KCNH7: variants seen among roughly 807,000 people sequenced by gnomAD.
KCNH7 encodes potassium voltage-gated channel subfamily H member 7.
A neutral mutation model predicts 120.8 loss-of-function variants in KCNH7; 49 were observed. The ratio of observed to expected loss-of-function variants is 0.41; its 90% CI spans 0.32 to 0.51. KCNH7 has a LOEUF of 0.51. KCNH7 is among the 20% of genes least tolerant of loss of function. The probability of loss-of-function intolerance (pLI) is 0.38; values close to 1 mark genes in which losing one functional copy is unlikely to be tolerated. For synonymous variants in KCNH7, 547 were observed against 516.1 expected (o/e 1.06, Z -0.81); for missense variants, 1,097 against 1,446.6 (o/e 0.76, Z 3.92).
chr2:162,835,464 A>G (rs952629024), intron 2 of KCNH7, among the ~76,000 whole-genome samples: 6 of 152,082 alleles, frequency 3.9e-5, no homozygotes, highest in Non-Finnish European at 7.4e-5. Flanking sequence ...TTTTCTAAAA[A>G]TCTGAACAGC....
intron 2 of KCNH7, among the ~76,000 whole-genome samples, chr2:162,791,456 T>G (rs1007578308): frequency 2.6e-5 from 4 of 152,162 alleles, no homozygotes; most frequent in African/African-American, 4.8e-5. Flanking sequence ...ACCTCTGATT[T>G]CTTTGAGCAG....
chr2:162,397,055 T>G (rs1686933974), intron 10 of KCNH7, 110 bp from the exon 11 acceptor site: 1 of 719,326 alleles, frequency 1.4e-6, no homozygotes, highest in Non-Finnish European at 2.3e-6. Flanking sequence ...TGAACCAGAC[T>G]TGGTGAGCAA....
chr2:162,563,222 T>C, intron 2 of KCNH7, among the ~76,000 whole-genome samples: 1 of 152,182 alleles, frequency 6.6e-6, no homozygotes, highest in East Asian at 1.9e-4. Context: ...GACTACTCAA[T>C]TAATTCTAAC....
intron 2 of KCNH7, among the ~76,000 whole-genome samples, chr2:162,580,274 ATT>A (rs1383459168): frequency 1.3e-5 from 2 of 152,016 alleles, no homozygotes; most frequent in East Asian, 3.9e-4. Flanking sequence ...AGGAAAAAAG[ATT>A]TTTCTGAGTG....
At chr2:162,623,418 G>A (rs774674185) in intron 2 of KCNH7, among the ~76,000 whole-genome samples, 7 of 152,044 alleles carry the variant, frequency 4.6e-5, no homozygotes, top group African/African-American at 7.2e-5. Context: ...CTTTGGCTAA[G>A]ATTTATATTA....
chr2:162,489,813 C>A (rs984106963), intron 6 of KCNH7, among the ~76,000 whole-genome samples: 6 of 152,080 alleles, frequency 3.9e-5, no homozygotes, highest in Non-Finnish European at 8.8e-5. Context: ...TTTGCTGAAC[C>A]AAGCTTGCTG....
At chr2:162,457,042 A>AT (rs768776806) in intron 6 of KCNH7, among the ~76,000 whole-genome samples, 8 of 152,106 alleles carry the variant, frequency 5.3e-5, no homozygotes, top group Non-Finnish European at 1.0e-4. Flanking sequence ...ATGCAAATGT[A>AT]TTTTTATAAG....
chr2:162,414,582 G>GT (rs1687485919), intron 9 of KCNH7, among the ~76,000 whole-genome samples: 1 of 151,742 alleles, frequency 6.6e-6, no homozygotes, highest in Non-Finnish European at 1.5e-5. Context: ...ATAATTAAAT[G>GT]TTTTTTAGAT....
At chr2:162,407,930 G>C (rs1044651798) in intron 9 of KCNH7, among the ~76,000 whole-genome samples, 2 of 151,956 alleles carry the variant, frequency 1.3e-5, no homozygotes, top group Admixed American at 1.3e-4. Flanking sequence ...CAAGTTTTAT[G>C]GTTTCGGAAA....
At chr2:162,477,823 T>C (rs1376025864) in intron 6 of KCNH7, among the ~76,000 whole-genome samples, 4 of 151,262 alleles carry the variant, frequency 2.6e-5, no homozygotes, top group African/African-American at 9.8e-5. Flanking sequence ...CATCTATCCA[T>C]CCATCCATCC....
chr2:162,521,399 G>T (rs1691517141), intron 3 of KCNH7, among the ~76,000 whole-genome samples: 1 of 151,880 alleles, frequency 6.6e-6, no homozygotes, highest in Non-Finnish European at 1.5e-5. Context: ...AACAAAAAAT[G>T]TTGATTGAGT....
chr2:162,688,957 T>C (rs73974041), intron 2 of KCNH7, among the ~76,000 whole-genome samples: 2,172 of 152,040 alleles, frequency 0.014, 39 homozygotes, highest in East Asian at 0.075. Flanking sequence ...TTCTTATCTG[T>C]TAAAGGCACT....
chr2:162,601,319 T>C (rs1694543398), intron 2 of KCNH7, among the ~76,000 whole-genome samples: 1 of 149,708 alleles, frequency 6.7e-6, no homozygotes, highest in African/African-American at 2.5e-5. Context: ...GGCATTTGGC[T>C]CCAAATTCAT....
chr2:162,500,622 T>C (rs961419608), intron 6 of KCNH7, among the ~76,000 whole-genome samples: 1 of 152,014 alleles, frequency 6.6e-6, no homozygotes, highest in African/African-American at 2.4e-5. Context: ...TGATGACTAC[T>C]CTATTGTTTG....
Position 162,695,756 on chromosome 2 carries a change from C to T in KCNH7, c.307+140781G>A, listed in dbSNP as rs370468201. Among the ~76,000 whole-genome samples the T allele has an allele frequency of 1.6e-4, 25 of 152,106 alleles. No homozygotes were observed. The South Asian group carries it at 2.3e-3, about 14-fold the overall frequency. Reference sequence around the variant, plus strand: ...CCTGTAGCTCTTGAAACTGACATGCCGGGACCCCACACCAGGGGAAAATTA... The same window carrying T: ...CCTGTAGCTCTTGAAACTGACATGCTGGGACCCCACACCAGGGGAAAATTA... On this transcript the variant is annotated intron_variant, in intron 2 of 15. Coordinates refer to ENST00000332142, the MANE Select transcript of KCNH7 (RefSeq NM_033272.4).
At chr2:162,812,849 C>A (rs576154186) in intron 2 of KCNH7, among the ~76,000 whole-genome samples, 134 of 151,998 alleles carry the variant, frequency 8.8e-4, no homozygotes, top group Non-Finnish European at 1.4e-3. Flanking sequence ...AGAGAGTTGA[C>A]CGGAGTGTAT....
intron 8 of KCNH7, 113 bp from the exon 9 acceptor site, chr2:162,423,648 A>G: frequency 1.1e-6 from 1 of 919,660 alleles, no homozygotes. Context: ...GGGATTTACC[A>G]TTGGATCACG....
intron 2 of KCNH7, among the ~76,000 whole-genome samples, chr2:162,552,736 T>C (rs1384557164): frequency 6.6e-6 from 1 of 152,198 alleles, no homozygotes; most frequent in Non-Finnish European, 1.5e-5. Context: ...ATATCCACGT[T>C]TGAACAGCTG....
At chr2:162,525,247 G>T (rs1472955740) in intron 3 of KCNH7, among the ~76,000 whole-genome samples, 1 of 151,974 alleles carries the variant, frequency 6.6e-6, no homozygotes, top group Non-Finnish European at 1.5e-5. Context: ...TGAGTTAAAG[G>T]CAGGAAGTGG....
Sources: allele counts gnomAD v4.1 joint callset (sites outside exome capture counted in the v4.1 genomes callset), GRCh38; gene constraint gnomAD v4.1.1; transcripts MANE v1.5; gene names NCBI Gene and HGNC (gene_info 2026-07-23, HGNC 2026-07-21).